GRIK2: variants seen among roughly 807,000 people sequenced by gnomAD.
GRIK2 encodes glutamate receptor ionotropic, kainate 2.
GRIK2 carries 32 observed loss-of-function variants against 100.3 expected under a neutral mutation model. The ratio of observed to expected loss-of-function variants is 0.32; its 90% CI spans 0.24 to 0.43. The LOEUF is 0.43. GRIK2 is among the 20% of genes least tolerant of loss of function. GRIK2 has a pLI of 1.00. For synonymous variants in GRIK2, 417 were observed against 389.4 expected, an observed-to-expected ratio of 1.07 and a Z score of -0.83; for missense variants, 843 against 1,114.9, an observed-to-expected ratio of 0.76 and a Z score of 3.47.
In GRIK2 at chr6:101,475,565, G is replaced by T. The variant is rs2852531; in HGVS notation, c.115+76173G>T. 7.6e-3 allele frequency among the ~76,000 whole-genome samples: 1,147 copies of T among 151,806 alleles called. 8 individuals are homozygous for T. Among genetic ancestry groups the T allele is most frequent in the Middle Eastern group, 0.027 (8 of 294 alleles). ...TTCTCTTTATTGAAAACTTGTTTCT[G>T]TTTTTTTGTGTGTGTCTGTTTTGTT... is the stretch of plus-strand genomic sequence containing the variant. On this transcript the variant is annotated intron_variant, in intron 2 of 16. Coordinates refer to ENST00000369134, the MANE Select transcript of GRIK2 (RefSeq NM_021956.5).
intron 7 of GRIK2, among the ~76,000 whole-genome samples, chr6:101,713,070 A>G (rs1472007281): frequency 6.6e-6 from 1 of 151,810 alleles, no homozygotes; most frequent in African/African-American, 2.4e-5. Context: ...AATAAAGAAT[A>G]AGAGAATAGC....
At chr6:101,977,025 T>G (rs1793422652) in intron 14 of GRIK2, among the ~76,000 whole-genome samples, 1 of 151,526 alleles carries the variant, frequency 6.6e-6, no homozygotes, top group Non-Finnish European at 1.5e-5. Context: ...AAAATTGGAG[T>G]GGAAAACATG....
chr6:101,464,640 C>T (rs1025644352), intron 2 of GRIK2, among the ~76,000 whole-genome samples: 3 of 150,392 alleles, frequency 2.0e-5, no homozygotes, highest in Admixed American at 6.7e-5. Context: ...CCTCAGCCTC[C>T]CGAATAGCTG....
intron 2 of GRIK2, among the ~76,000 whole-genome samples, chr6:101,475,473 T>A (rs1236348731): frequency 6.6e-6 from 1 of 151,996 alleles, no homozygotes; most frequent in Middle Eastern, 3.2e-3. Context: ...TTTCAGCCAG[T>A]TTAAAAGTTG....
chr6:101,724,689 C>A (rs575839242), intron 7 of GRIK2, among the ~76,000 whole-genome samples: 1 of 151,858 alleles, frequency 6.6e-6, no homozygotes, highest in Non-Finnish European at 1.5e-5. Flanking sequence ...GGTGAGGAGG[C>A]ATTAATGAAA....
chr6:101,594,529 A>G (rs909638609), intron 2 of GRIK2, among the ~76,000 whole-genome samples: 1 of 151,844 alleles, frequency 6.6e-6, no homozygotes, highest in African/African-American at 2.4e-5. Context: ...TATGTTTGAG[A>G]AAAAGTTGTA....
intron 7 of GRIK2, among the ~76,000 whole-genome samples, chr6:101,779,832 T>TATATACAC (rs1269883273): frequency 6.6e-6 from 1 of 152,070 alleles, no homozygotes; most frequent in East Asian, 1.9e-4. Flanking sequence ...TCCATATGCA[T>TATATACAC]ATATACACAT....
At chr6:101,782,908 G>C (rs1779185566) in intron 7 of GRIK2, among the ~76,000 whole-genome samples, 1 of 148,076 alleles carries the variant, frequency 6.8e-6, no homozygotes, top group African/African-American at 2.5e-5. Context: ...CCAGGCTGGA[G>C]TGCAGTGGTG....
intron 4 of GRIK2, among the ~76,000 whole-genome samples, chr6:101,644,255 G>C (rs1056826381): frequency 4.6e-5 from 7 of 151,782 alleles, no homozygotes; most frequent in Non-Finnish European, 1.0e-4. Context: ...AGATCCAGTT[G>C]GTTGGAGAAC....
intron 14 of GRIK2, among the ~76,000 whole-genome samples, chr6:101,938,164 A>G (rs1056000385): frequency 3.3e-5 from 5 of 152,064 alleles, no homozygotes; most frequent in African/African-American, 9.6e-5. Flanking sequence ...AAGGAGATTT[A>G]CTATTATTTG....
chr6:101,672,857 C>T (rs1367375415), intron 4 of GRIK2, among the ~76,000 whole-genome samples: 1 of 152,124 alleles, frequency 6.6e-6, no homozygotes, highest in Non-Finnish European at 1.5e-5. Flanking sequence ...CACATCTTTA[C>T]TATCATGAAT....
chr6:102,042,319 C>A (rs1458687152), intron 15 of GRIK2, among the ~76,000 whole-genome samples: 1 of 151,600 alleles, frequency 6.6e-6, no homozygotes, highest in Non-Finnish European at 1.5e-5. Context: ...TTTCATTACT[C>A]TTTCTTTCCT....
chr6:101,890,099 T>G, intron 12 of GRIK2: 2 of 372,760 alleles, frequency 5.4e-6, no homozygotes, highest in South Asian at 1.9e-4. Flanking sequence ...GATTACTGTT[T>G]TCTTAACCAG....
At chr6:101,395,079 A>G (rs74498296) in intron 1 of GRIK2, among the ~76,000 whole-genome samples, 37 of 152,328 alleles carry the variant, frequency 2.4e-4, no homozygotes, top group African/African-American at 8.7e-4. Flanking sequence ...TGTTGCTGGA[A>G]CAGCTGATAA....
At chr6:101,886,379 C>A (rs1016855030) in intron 11 of GRIK2, among the ~76,000 whole-genome samples, 3 of 151,216 alleles carry the variant, frequency 2.0e-5, no homozygotes, top group Admixed American at 2.0e-4. Context: ...TATCTGTATC[C>A]TTTTTTTTAA....
At chr6:101,712,985 A>T (rs115325377) in intron 7 of GRIK2, among the ~76,000 whole-genome samples, 6 of 151,828 alleles carry the variant, frequency 4.0e-5, no homozygotes, top group Non-Finnish European at 1.5e-5. Context: ...AGACAAAAAC[A>T]TACCTCAAAT....
At chr6:101,841,454 C>A (rs1465270154) in intron 10 of GRIK2, among the ~76,000 whole-genome samples, 3 of 151,990 alleles carry the variant, frequency 2.0e-5, no homozygotes, top group African/African-American at 7.3e-5. Context: ...AACTCTGCCC[C>A]CCAGGTTCAA....
chr6:101,853,955 G>T (rs2128441066), intron 10 of GRIK2, among the ~76,000 whole-genome samples: 1 of 152,268 alleles, frequency 6.6e-6, no homozygotes, highest in African/African-American at 2.4e-5. Flanking sequence ...TAAAAGCACA[G>T]AGAATATTTA....
intron 4 of GRIK2, 123 bp downstream of exon 4, chr6:101,626,760 G>A: frequency 3.9e-6 from 3 of 766,890 alleles, no homozygotes; most frequent in Non-Finnish European, 6.2e-6. Flanking sequence ...CAGCTAAGGG[G>A]TAGAAAGACA....
Sources: allele counts gnomAD v4.1 joint callset (sites outside exome capture counted in the v4.1 genomes callset), GRCh38; gene constraint gnomAD v4.1.1; transcripts MANE v1.5; gene names NCBI Gene and HGNC (gene_info 2026-07-23, HGNC 2026-07-21).